Variants in TMTC2 observed in about 807,000 individuals in gnomAD.
TMTC2 encodes transmembrane O-mannosyltransferase targeting cadherins 2, also known as protein O-mannosyl-transferase TMTC2.
TMTC2 carries 43 observed loss-of-function variants against 82.4 expected under a neutral mutation model. The ratio of observed to expected loss-of-function variants is 0.52; its 90% CI spans 0.41 to 0.67. TMTC2 has a LOEUF of 0.67. TMTC2 is among the 30% of genes least tolerant of loss of function. The pLI, the probability that TMTC2 is intolerant of heterozygous loss-of-function variation, is 0.00. For missense variants in TMTC2, 919 were observed against 1,012.4 expected, an observed-to-expected ratio of 0.91 and a Z score of 1.25; for synonymous variants, 408 against 381.9, an observed-to-expected ratio of 1.07 and a Z score of -0.80.
At chr12:83,077,576 T>A (rs1003723201) in intron 11 of TMTC2, among the ~76,000 whole-genome samples, 17 of 151,632 alleles carry the variant, frequency 1.1e-4, no homozygotes, top group Admixed American at 8.5e-4. Context: ...TGTGTCTTTT[T>A]TTTTATTTTA....
intron 11 of TMTC2, among the ~76,000 whole-genome samples, chr12:83,089,840 C>CAAAAAAAA (rs1381824863): frequency 4.2e-5 from 6 of 141,182 alleles, no homozygotes; most frequent in South Asian, 2.2e-4. Context: ...AAACAAAAAA[C>CAAAAAAAA]AAAAAACAAA....
intron 11 of TMTC2, among the ~76,000 whole-genome samples, chr12:83,117,123 C>A (rs940694331): frequency 6.6e-6 from 1 of 152,082 alleles, no homozygotes. Flanking sequence ...AGTTGAGGAT[C>A]CAGTTTTATT....
intron 7 of TMTC2, among the ~76,000 whole-genome samples, chr12:82,970,300 C>T (rs145238774): frequency 6.6e-6 from 1 of 152,230 alleles, no homozygotes; most frequent in East Asian, 1.9e-4. Flanking sequence ...TGTTTTATAA[C>T]GGGACTTTCC....
At chr12:82,961,563 T>C (rs868520779) in intron 4 of TMTC2, among the ~76,000 whole-genome samples, 6 of 152,204 alleles carry the variant, frequency 3.9e-5, no homozygotes, top group African/African-American at 1.4e-4. Flanking sequence ...ATTCTGGCTT[T>C]GCCTCTTATT....
At chr12:82,706,224 G>A (rs946253457) in intron 1 of TMTC2, among the ~76,000 whole-genome samples, 2 of 151,292 alleles carry the variant, frequency 1.3e-5, no homozygotes, top group African/African-American at 2.4e-5. Flanking sequence ...CAGGAGAATC[G>A]CTTGAACCTG....
rs924171480 is a variant in TMTC2, at chr12:82,881,753, G to C, written c.655-14065G>C. Among the ~76,000 whole-genome samples, 3 of 152,144 alleles carry C rather than the reference G, an allele frequency of 2.0e-5. No homozygotes were observed. In the South Asian group the frequency reaches 6.2e-4, roughly 31 times the overall value. On this transcript the variant is annotated intron_variant, in intron 2 of 11. Transcript: ENST00000321196. ...TTGATGATTAATTCCAACTAATAAA[G>C]TGTGCATTTAAGAAATGCTTATTTG...
At chr12:83,060,601 A>G (rs1180270881) in intron 10 of TMTC2, among the ~76,000 whole-genome samples, 2 of 151,662 alleles carry the variant, frequency 1.3e-5, no homozygotes, top group African/African-American at 4.8e-5. Flanking sequence ...TGCTATATAC[A>G]TCATCTGAAA....
At chr12:82,919,021 G>T (rs1158894432) in intron 3 of TMTC2, among the ~76,000 whole-genome samples, 1 of 152,226 alleles carries the variant, frequency 6.6e-6, no homozygotes, top group East Asian at 1.9e-4. Flanking sequence ...TTCCCAGAGT[G>T]CTGGGATTAC....
chr12:82,696,592 A>G (rs1872799247), intron 1 of TMTC2, among the ~76,000 whole-genome samples: 1 of 152,162 alleles, frequency 6.6e-6, no homozygotes, highest in South Asian at 2.1e-4. Context: ...GTTTAAATTT[A>G]CTTTTTTTCT....
intron 1 of TMTC2, among the ~76,000 whole-genome samples, chr12:82,779,328 A>T (rs1877776791): frequency 1.3e-5 from 2 of 152,088 alleles, no homozygotes; most frequent in African/African-American, 4.8e-5. Context: ...GGATGTCAGG[A>T]TATATTAAAT....
At chr12:82,758,327 A>C (rs981265480) in intron 1 of TMTC2, among the ~76,000 whole-genome samples, 4 of 152,108 alleles carry the variant, frequency 2.6e-5, no homozygotes, top group Non-Finnish European at 5.9e-5. Context: ...ACTCAATATA[A>C]TGTTTTAAAA....
chr12:82,850,098 A>G (rs962546804), intron 1 of TMTC2, among the ~76,000 whole-genome samples: 2 of 152,056 alleles, frequency 1.3e-5, no homozygotes, highest in African/African-American at 4.8e-5. Flanking sequence ...ACGTGGACTG[A>G]GAATAGATGT....
At chr12:83,050,780 T>C in intron 9 of TMTC2, 124 bp from the exon 10 acceptor site, 1 of 553,134 alleles carries the variant, frequency 1.8e-6, no homozygotes, top group Non-Finnish European at 3.2e-6. Flanking sequence ...CTCTAAATAA[T>C]GAGTATGTTA....
chr12:82,961,470 A>G (rs1877930385), intron 4 of TMTC2, among the ~76,000 whole-genome samples: 1 of 151,998 alleles, frequency 6.6e-6, no homozygotes, highest in Non-Finnish European at 1.5e-5. Flanking sequence ...CCGAGTACAC[A>G]TGTACCTGGA....
chr12:82,869,098 A>T (rs1872032100), intron 2 of TMTC2, among the ~76,000 whole-genome samples: 1 of 152,150 alleles, frequency 6.6e-6, no homozygotes, highest in Non-Finnish European at 1.5e-5. Flanking sequence ...TAAAAATATG[A>T]TTTACTTGAC....
chr12:82,939,465 T>G (rs1216896741), intron 4 of TMTC2, among the ~76,000 whole-genome samples: 1 of 152,202 alleles, frequency 6.6e-6, no homozygotes, highest in Non-Finnish European at 1.5e-5. Context: ...TTGATATTTT[T>G]GGGGTTTTAA....
chr12:82,987,579 G>A (rs1424480853), intron 8 of TMTC2, among the ~76,000 whole-genome samples: 1 of 152,110 alleles, frequency 6.6e-6, no homozygotes, highest in Non-Finnish European at 1.5e-5. Flanking sequence ...GTTCCTAGGA[G>A]CTAGAAATGA....
At chr12:82,970,422 C>T (rs1878399896) in intron 7 of TMTC2, among the ~76,000 whole-genome samples, 1 of 152,024 alleles carries the variant, frequency 6.6e-6, no homozygotes, top group Non-Finnish European at 1.5e-5. Flanking sequence ...AGCTCCGCTT[C>T]CCGGGTTCAC....
intron 1 of TMTC2, among the ~76,000 whole-genome samples, chr12:82,765,410 C>G (rs1400895329): frequency 2.0e-5 from 3 of 152,144 alleles, no homozygotes; most frequent in East Asian, 3.9e-4. Context: ...CGCGGCAGCT[C>G]GTGCCTGTAA....
Sources: gnomAD v4.1 joint callset for allele counts (sites outside exome capture counted in the v4.1 genomes callset) on GRCh38, gnomAD v4.1.1 for gene constraint, MANE v1.5 for transcripts, NCBI Gene and HGNC (gene_info 2026-07-23, HGNC 2026-07-21) for gene names.